The following GALNT8 variants were observed in gnomAD, a reference collection of about 807,000 sequenced individuals.
The protein encoded by GALNT8 is probable polypeptide N-acetylgalactosaminyltransferase 8.
In GALNT8, 66 loss-of-function variants were observed where a neutral mutation model predicts 62.7. The observed-to-expected ratio is 1.05, with a 90% CI of 0.86 to 1.29. GALNT8 has a LOEUF of 1.29. Ranked by LOEUF, GALNT8 falls within the 50% of genes most tolerant of loss-of-function variation. The pLI is 0.00. For missense variants in GALNT8, 771 were observed against 791.8 expected, an observed-to-expected ratio of 0.97 and a Z score of 0.32; for synonymous variants, 288 against 294.3, an observed-to-expected ratio of 0.98 and a Z score of 0.22.
chr12:4,768,426 C>A, intron 10 of GALNT8: 2 of 342,208 alleles, frequency 5.8e-6, no homozygotes, highest in Non-Finnish European at 5.8e-6. Flanking sequence ...TGTGTTTTTT[C>A]TTTTCATGAT....
At chr12:4,764,071 C>A in intron 9 of GALNT8, 24 bp downstream of exon 9, 5 of 1,288,568 alleles carry the variant, frequency 3.9e-6, no homozygotes, top group South Asian at 1.2e-5. Context: ...TCTTCCTGGC[C>A]CTGCCTGGGC....
At position 4,763,482 on chromosome 12, in the gene GALNT8, A is replaced by T. The variant is rs1186478856; in HGVS notation, c.1497+92A>T. 54 of 1,032,672 alleles carry T rather than the reference A, an allele frequency of 5.2e-5. No homozygotes were observed. In the East Asian group the frequency reaches 1.3e-3, roughly 25 times the overall value. 64.0% of individuals were successfully genotyped at this position (1,032,672 alleles called of 1,614,324 possible). A position where few individuals can be genotyped will look rare whatever the true frequency, so the allele number is the denominator to read the frequency against. On this transcript the variant is annotated intron_variant, in intron 8 of 10. Coordinates refer to ENST00000252318, the MANE Select transcript of GALNT8 (RefSeq NM_017417.2). ...CTCGTGATTGCCTGTCCTGCCCAAG[A>T]CGCCCTTCCTACCTCAGCTTTCTAC...
At position 4,749,397 on chromosome 12, in the gene GALNT8, C is replaced by T. The variant is rs779685055; in HGVS notation, c.1173+3139C>T. Among the ~76,000 whole-genome samples the T allele has an allele frequency of 5.9e-5, 9 of 152,104 alleles. No individual in the cohort carries two copies. Among genetic ancestry groups the T allele is most frequent in the Non-Finnish European group, 1.2e-4 (8 of 68,010 alleles). On this transcript the variant is annotated intron_variant, in intron 6 of 10. Coordinates refer to ENST00000252318, the MANE Select transcript of GALNT8 (RefSeq NM_017417.2). The surrounding 1 kb of genome is among the most constrained non-coding windows in gnomAD (Gnocchi z 4.1). ...TGGATTTTATCAAATGCCTTTTCAG[C>T]GTCAATTGAAATGATCACATGGTTT...
Position 4,755,782 on chromosome 12 carries a change from G to C in GALNT8, c.1174-5176G>C, listed in dbSNP as rs1475933561. 3.3e-5 allele frequency among the ~76,000 whole-genome samples: 5 copies of C among 152,282 alleles called. No individual in the cohort carries two copies. The East Asian group carries it at 7.7e-4, about 24-fold the overall frequency. On this transcript the variant is annotated intron_variant, in intron 6 of 10. Transcript: ENST00000252318. ...CAGATTCAAGATATGTCAGTGTATT[G>C]GTTAACTCTTGCCAAAAAATGTCAC...
chr12:4,738,955 A>AG (rs947862935), intron 2 of GALNT8, among the ~76,000 whole-genome samples: 3 of 152,232 alleles, frequency 2.0e-5, no homozygotes, highest in African/African-American at 4.8e-5. Context: ...TAATAAAAAA[A>AG]GATTTTATCC....
chr12:4,762,370 C>T (rs771481644), intron 7 of GALNT8, among the ~76,000 whole-genome samples: 26 of 152,316 alleles, frequency 1.7e-4, no homozygotes, highest in Admixed American at 5.9e-4. Context: ...GGCAGATACA[C>T]AAGTGGTTTC....
chr12:4,725,643 C>T (rs899469337), intron 1 of GALNT8, among the ~76,000 whole-genome samples: 11 of 150,578 alleles, frequency 7.3e-5, no homozygotes, highest in African/African-American at 2.4e-4. Context: ...GCAACCTCCA[C>T]CTCCCGGGTT....
intron 6 of GALNT8, among the ~76,000 whole-genome samples, chr12:4,753,142 G>GT (rs1041383555): frequency 2.6e-5 from 4 of 152,116 alleles, no homozygotes; most frequent in Non-Finnish European, 5.9e-5. Context: ...CCTTGAGGTA[G>GT]TTTTCTTTGG....
At chr12:4,728,769 A>G (rs1403413784) in intron 2 of GALNT8, among the ~76,000 whole-genome samples, 1 of 152,164 alleles carries the variant, frequency 6.6e-6, no homozygotes, top group Non-Finnish European at 1.5e-5. Flanking sequence ...ATTTTGTAGT[A>G]CATTTTGAAA....
intron 6 of GALNT8, among the ~76,000 whole-genome samples, chr12:4,759,107 G>A (rs924981432): frequency 6.6e-6 from 1 of 152,112 alleles, no homozygotes; most frequent in African/African-American, 2.4e-5. Context: ...TTGAATTTAA[G>A]ATTTCTTATG....
chr12:4,764,368 C>T (rs1946388060), intron 9 of GALNT8, among the ~76,000 whole-genome samples: 1 of 152,096 alleles, frequency 6.6e-6, no homozygotes, highest in African/African-American at 2.4e-5. Context: ...CTGCTCCCGC[C>T]ATCTTCTCAC....
Position 4,744,587 on chromosome 12 carries a change from A to C in GALNT8, c.747A>C (p.Ile249=), listed in dbSNP as rs1472975309. 1 of 1,612,838 alleles carries C rather than the reference A, an allele frequency of 6.2e-7. No homozygotes were observed. The change falls in exon 4 of 11, where the codon ATA becomes ATC. Residue 249 remains isoleucine, a synonymous_variant. Coordinates refer to ENST00000252318, the MANE Select transcript of GALNT8 (RefSeq NM_017417.2). ...AGAAGTATCCAGGACTACTGAAAAT[A>C]ATACGGCATCCTGAAAGGAAAGGTC... is the stretch of plus-strand genomic sequence containing the variant. ...YNQKYPGLLK[I]IRHPERKGLA... is the part of the protein sequence containing the mutation.
intron 6 of GALNT8, among the ~76,000 whole-genome samples, chr12:4,752,897 A>C (rs868868652): frequency 1.7e-4 from 26 of 152,064 alleles, no homozygotes; most frequent in Admixed American, 8.5e-4. Context: ...TTTTTGTGGG[A>C]AAGTCTTTAT....
intron 6 of GALNT8, among the ~76,000 whole-genome samples, chr12:4,751,252 G>T (rs542492092): frequency 6.6e-6 from 1 of 152,248 alleles, no homozygotes; most frequent in Admixed American, 6.5e-5. Context: ...AAAAGCAATA[G>T]CAACAAAAGG....
At chr12:4,729,207 A>G (rs1182759723) in intron 2 of GALNT8, among the ~76,000 whole-genome samples, 6 of 152,184 alleles carry the variant, frequency 3.9e-5, no homozygotes, top group Non-Finnish European at 7.4e-5. Context: ...TTTGAAATGT[A>G]TACACATCGT....
Position 4,726,851 on chromosome 12 carries a change from C to G in GALNT8, c.509+22C>G. ...ACAGGTGGGATGAACCAGGCTTGGG[C>G]TTCTAGGGTCCTCAGTTTGATTTGA... On this transcript the variant is annotated intron_variant, in intron 2 of 10. Transcript: ENST00000252318. The surrounding 1 kb of genome is among the most constrained non-coding windows in gnomAD (Gnocchi z 4.1). The G allele has an allele frequency of 6.3e-7, 1 of 1,580,614 alleles. No individual in the cohort carries two copies. The highest frequency in any genetic ancestry group is 8.6e-7 in the Non-Finnish European group (1 of 1,161,148).
Position 4,767,196 on chromosome 12 carries a change from G to A in GALNT8, c.1761+1650G>A, listed in dbSNP as rs147808353. Among the ~76,000 whole-genome samples the A allele has an allele frequency of 7.9e-3, 1,208 of 152,234 alleles. 8 individuals carry two copies. The highest frequency in any genetic ancestry group is 0.02 in the African/African-American group (838 of 41,540). On this transcript the variant is annotated intron_variant, in intron 10 of 10. Coordinates refer to ENST00000252318, the MANE Select transcript of GALNT8 (RefSeq NM_017417.2). ...AGCTTTCTGTGACCCCAGAGGAGTC[G>A]GTTGGGTGGTTCCTCTAATTGCTCT...
At chr12:4,772,060 G>A (rs1418796896) in intron 10 of GALNT8, among the ~76,000 whole-genome samples, 1 of 152,220 alleles carries the variant, frequency 6.6e-6, no homozygotes, top group East Asian at 1.9e-4. Context: ...GAAGCACAAG[G>A]TGAAGGTGAC....
At chr12:4,733,370 C>T (rs73045686) in intron 2 of GALNT8, among the ~76,000 whole-genome samples, 2,352 of 152,214 alleles carry the variant, frequency 0.015, 34 homozygotes, top group Middle Eastern at 0.044. Context: ...AGGCACATTT[C>T]CTACCTCTTT....
Sources: gnomAD v4.1 joint callset for allele counts (sites outside exome capture counted in the v4.1 genomes callset) on GRCh38, gnomAD v4.1.1 for gene constraint, Gnocchi (gnomAD v3.1) non-coding constraint, MANE v1.5 for transcripts, NCBI Gene and HGNC (gene_info 2026-07-23, HGNC 2026-07-21) for gene names.